KCTD9: variants seen among roughly 807,000 people sequenced by gnomAD.
KCTD9 encodes the protein potassium channel tetramerization domain containing 9.
Under a neutral mutation model 53.3 loss-of-function variants are expected in KCTD9, and 17 were observed. That is an observed-to-expected ratio of 0.32 (90% CI 0.22 to 0.48). The LOEUF (loss-of-function observed/expected upper bound fraction) is 0.48, where lower values mean the gene tolerates loss of function less well. Among genes scored for constraint, KCTD9 ranks in the 20% least tolerant of loss-of-function variants. The pLI, the probability that KCTD9 is intolerant of heterozygous loss-of-function variation, is 0.99. For synonymous variants in KCTD9, 128 were observed against 162.7 expected, an observed-to-expected ratio of 0.79 and a Z score of 1.62; for missense variants, 179 against 465.5, an observed-to-expected ratio of 0.38 and a Z score of 5.66.
chr8:25,453,653 CAAA>C (rs571881844), intron 1 of KCTD9, among the ~76,000 whole-genome samples: 5 of 55,220 alleles, frequency 9.1e-5, no homozygotes, highest in Non-Finnish European at 1.5e-4. Flanking sequence ...GACTCCGACT[CAAA>C]AAAAAAAAAA....
chr8:25,441,504 G>T lies in KCTD9; in HGVS notation c.215-831C>A, dbSNP rs191869920. Among the ~76,000 whole-genome samples the T allele has an allele frequency of 3.3e-5, 5 of 152,000 alleles. No individual in the cohort carries two copies. The East Asian group carries it at 7.7e-4, about 23-fold the overall frequency. On this transcript the variant is annotated intron_variant, in intron 3 of 11. Transcript: ENST00000221200. ...TCTAATATTCCAAAACATGCTAAAA[G>T]AAGTTTATACAAGGTATAAAACAAC...
chr8:25,449,771 A>G (rs1316996284), intron 1 of KCTD9, among the ~76,000 whole-genome samples: 1 of 152,116 alleles, frequency 6.6e-6, no homozygotes, highest in African/African-American at 2.4e-5. Context: ...AATAGCACAA[A>G]TTTCCATCAT....
intron 11 of KCTD9, 152 bp downstream of exon 11, chr8:25,432,352 G>A (rs1224562613): frequency 3.1e-6 from 2 of 648,852 alleles, no homozygotes; most frequent in Admixed American, 6.8e-5. Context: ...CAAGGAAAAG[G>A]AGAGAAATGA....
intron 4 of KCTD9, chr8:25,439,936 T>A: frequency 2.1e-6 from 1 of 474,812 alleles, no homozygotes; most frequent in Non-Finnish European, 3.4e-6. Context: ...CATAATAATA[T>A]TCTTGATCTT....
intron 1 of KCTD9, among the ~76,000 whole-genome samples, chr8:25,448,150 AAAAGG>A (rs943385554): frequency 2.3e-4 from 35 of 152,100 alleles, no homozygotes; most frequent in African/African-American, 7.0e-4. Flanking sequence ...AAGAAAAGAG[AAAAGG>A]AAAGGAAAGG....
intron 1 of KCTD9, 51 bp downstream of exon 1, chr8:25,458,148 C>G (rs982187866): frequency 1.3e-6 from 2 of 1,503,526 alleles, no homozygotes; most frequent in Non-Finnish European, 9.1e-7. Context: ...TCCGCACCGT[C>G]CGCCCTCGCC....
intron 1 of KCTD9, among the ~76,000 whole-genome samples, chr8:25,448,421 G>C (rs995838185): frequency 8.5e-5 from 13 of 152,186 alleles, no homozygotes; most frequent in African/African-American, 2.9e-4. Context: ...TACAATTTCT[G>C]TTTGGGATGA....
At chr8:25,451,708 G>A (rs907555807) in intron 1 of KCTD9, among the ~76,000 whole-genome samples, 1 of 152,138 alleles carries the variant, frequency 6.6e-6, no homozygotes, top group Non-Finnish European at 1.5e-5. Context: ...TGCCTAGTAC[G>A]ATTGGCTAGT....
At chr8:25,456,214 G>C (rs761385696) in intron 1 of KCTD9, among the ~76,000 whole-genome samples, 1 of 152,188 alleles carries the variant, frequency 6.6e-6, no homozygotes, top group Non-Finnish European at 1.5e-5. Context: ...TTATAACCAG[G>C]AAACAAAAGC....
chr8:25,432,241 G>C (rs1801944736), intron 11 of KCTD9, among the ~76,000 whole-genome samples: 4 of 152,220 alleles, frequency 2.6e-5, no homozygotes, highest in Non-Finnish European at 2.9e-5. Context: ...AGTAGTTTAA[G>C]AAGTAATCTA....
chr8:25,446,033 A>ACT, intron 2 of KCTD9, 96 bp downstream of exon 2: 3 of 1,471,274 alleles, frequency 2.0e-6, no homozygotes, highest in Non-Finnish European at 2.8e-6. Flanking sequence ...AAAATCCTGT[A>ACT]CTCTTAACAG....
intron 1 of KCTD9, chr8:25,450,574 G>A: frequency 2.4e-6 from 1 of 423,394 alleles, no homozygotes; most frequent in Non-Finnish European, 3.2e-6. Context: ...CACTTTTTGG[G>A]AGGCCAAGGT....
At chr8:25,431,258 G>A (rs1172547724) in intron 11 of KCTD9, among the ~76,000 whole-genome samples, 1 of 152,040 alleles carries the variant, frequency 6.6e-6, no homozygotes. Context: ...TTGTGTAATA[G>A]ATTTTTCCAT....
intron 2 of KCTD9, among the ~76,000 whole-genome samples, chr8:25,445,003 G>A (rs1450624672): frequency 6.6e-5 from 10 of 152,082 alleles, no homozygotes; most frequent in African/African-American, 2.4e-5. Context: ...CACAGGACAC[G>A]TTAAATTTTT....
chr8:25,451,448 G>C (rs769231624), intron 1 of KCTD9: 1 of 152,266 alleles, frequency 6.6e-6, no homozygotes, highest in South Asian at 2.1e-4. Context: ...TAAAATGATA[G>C]TGCTTACAAA....
chr8:25,453,924 G>A (rs529055675), intron 1 of KCTD9, among the ~76,000 whole-genome samples: 1 of 152,258 alleles, frequency 6.6e-6, no homozygotes, highest in African/African-American at 2.4e-5. Flanking sequence ...GCCCTCACTA[G>A]GTTCTTATTA....
rs750237550 is a variant in KCTD9, at chr8:25,430,100, G to A, written c.1054-127C>T. The A allele has an allele frequency of 8.0e-5, 53 of 662,960 alleles. 1 individual carries two copies. Among genetic ancestry groups the A allele is most frequent in the Middle Eastern group, 2.6e-4 (1 of 3,852 alleles). 41.1% of individuals were successfully genotyped at this position (662,960 alleles called of 1,614,324 possible). ...ATACAATAAAACTCAGTTAATTTCC[G>A]GAAAACTGATGATACACCACCCTAA... is the stretch of plus-strand genomic sequence containing the variant. On this transcript the variant is annotated intron_variant, in intron 11 of 11. Coordinates refer to ENST00000221200, the MANE Select transcript of KCTD9 (RefSeq NM_017634.4).
intron 9 of KCTD9, among the ~76,000 whole-genome samples, chr8:25,434,319 T>C (rs1453475829): frequency 1.3e-5 from 2 of 152,312 alleles, no homozygotes; most frequent in East Asian, 3.9e-4. Flanking sequence ...AAGATGGTCT[T>C]GACCTCAAGT....
intron 6 of KCTD9, among the ~76,000 whole-genome samples, chr8:25,438,748 C>A (rs17053658): frequency 0.054 from 8,183 of 152,290 alleles, 743 homozygotes; most frequent in African/African-American, 0.19. Flanking sequence ...TAGATAGGGT[C>A]AAGAGTGCTT....
Sources: gnomAD v4.1 joint callset for allele counts (sites outside exome capture counted in the v4.1 genomes callset) on GRCh38, gnomAD v4.1.1 for gene constraint, MANE v1.5 for transcripts, NCBI Gene and HGNC (gene_info 2026-07-23, HGNC 2026-07-21) for gene names.